ZFP36L1: variants seen among roughly 807,000 people sequenced by gnomAD.
ZFP36L1 encodes mRNA decay activator protein ZFP36L1.
Under a neutral mutation model 16.7 loss-of-function variants are expected in ZFP36L1, and 4 were observed. That is an observed-to-expected ratio of 0.24 (90% CI 0.12 to 0.55). The LOEUF is 0.55. Ranked by LOEUF, ZFP36L1 falls within the 20% of genes least tolerant of loss-of-function variation. ZFP36L1 has a pLI of 0.94. For missense variants in ZFP36L1, 311 were observed against 449.2 expected (o/e 0.69, Z 2.78); for synonymous variants, 220 against 190.8 (o/e 1.15, Z -1.26).
rs1269096358 is a variant in ZFP36L1, at chr14:68,788,056, T to G, written c.*1477A>C. On this transcript the variant is annotated 3_prime_UTR_variant, in exon 2 of 2. Coordinates refer to ENST00000439696, the MANE Select transcript of ZFP36L1 (RefSeq NM_004926.4). Reference sequence around the variant, plus strand: ...GGCCTAAAGAGAAAGAAACTCAATTTGCAGTCCAACACAAAGGGGGGAATT... The same window carrying G: ...GGCCTAAAGAGAAAGAAACTCAATTGGCAGTCCAACACAAAGGGGGGAATT... 6.6e-6 allele frequency: 1 copy of G among 152,586 alleles called. No homozygotes were observed. Among genetic ancestry groups the G allele is most frequent in the African/African-American group, 2.4e-5 (1 of 41,418 alleles). 9.5% of individuals were successfully genotyped at this position (152,586 alleles called of 1,614,324 possible).
At chr14:68,792,204 C>T (rs1216285917) in intron 1 of ZFP36L1, among the ~76,000 whole-genome samples, 1 of 151,260 alleles carries the variant, frequency 6.6e-6, no homozygotes, top group African/African-American at 2.4e-5. Context: ...ACCCCGCCCG[C>T]AATCGATGAG....
At chr14:68,792,302 A>G (rs2140211626) in intron 1 of ZFP36L1, among the ~76,000 whole-genome samples, 1 of 152,246 alleles carries the variant, frequency 6.6e-6, no homozygotes, top group East Asian at 1.9e-4. Flanking sequence ...TATCGCGGGA[A>G]GAAGCCCAAC....
intron 1 of ZFP36L1, 99 bp downstream of exon 1, chr14:68,792,783 A>T: frequency 6.7e-7 from 1 of 1,500,382 alleles, no homozygotes. Context: ...TCGCTGCACC[A>T]CTTTCCCCAT....
At chr14:68,793,951 C>T (rs1895182628), upstream of ZFP36L1, 1 of 983,808 alleles carries the variant, frequency 1.0e-6, no homozygotes, top group South Asian at 4.7e-5. Context: ...CAAAAAAAGA[C>T]CACAACCCGG....
chr14:68,792,346 T>C (rs1895104307), intron 1 of ZFP36L1, among the ~76,000 whole-genome samples: 1 of 152,160 alleles, frequency 6.6e-6, no homozygotes, highest in African/African-American at 2.4e-5. Context: ...CACTGCAAAC[T>C]TGTTCTGCAA....
upstream of ZFP36L1, chr14:68,793,598 A>G (rs903502651): frequency 2.0e-6 from 2 of 985,978 alleles, no homozygotes; most frequent in Middle Eastern, 5.2e-4. Flanking sequence ...CGCGGTTTCC[A>G]TCTTGAGCTG....
chr14:68,792,778 G>T, intron 1 of ZFP36L1, 104 bp downstream of exon 1: 1 of 1,473,606 alleles, frequency 6.8e-7, no homozygotes, highest in Non-Finnish European at 9.4e-7. Context: ...TCATCTCGCT[G>T]CACCACTTTC....
upstream of ZFP36L1, chr14:68,795,745 G>A (rs1375098547): frequency 3.8e-6 from 2 of 531,340 alleles, no homozygotes; most frequent in Non-Finnish European, 7.7e-6. Context: ...CCAGCTCCCA[G>A]AGCCTGTCTC....
chr14:68,795,783 G>A (rs1023144971), upstream of ZFP36L1: 1 of 534,632 alleles, frequency 1.9e-6, no homozygotes, highest in Admixed American at 1.9e-5. Flanking sequence ...TTAAATTGTC[G>A]GGTTGAAACG....
rs1895033215 is a variant in ZFP36L1 at position 68,790,281 on chromosome 14, G to C, written c.269C>G (p.Ser90Cys). 6.2e-7 allele frequency: 1 copy of C among 1,610,366 alleles called. No individual in the cohort carries two copies. The highest frequency in any genetic ancestry group is 8.5e-7 in the Non-Finnish European group (1 of 1,179,760). The change falls in exon 2 of 2, where the codon TCC becomes TGC. Residue 90 changes from serine (S) to cysteine (C), a missense_variant. By Grantham distance (112) the Ser-to-Cys change is moderately radical. Coordinates refer to ENST00000439696, the MANE Select transcript of ZFP36L1 (RefSeq NM_004926.4). Reference sequence around the variant, plus strand: ...CAGCCGCTCGCCCCCTTCCGAGAAGGAGCGGTCTCGGAAGCGGCTGTCTCG... The same window carrying C: ...CAGCCGCTCGCCCCCTTCCGAGAAGCAGCGGTCTCGGAAGCGGCTGTCTCG... Reference protein sequence around the residue: ...SSRDSRFRDRSFSEGGERLLP... With the variant: ...SSRDSRFRDRCFSEGGERLLP...
At position 68,790,449 on chromosome 14, in the gene ZFP36L1, C is replaced by T. The variant is rs1311348620; in HGVS notation, c.101G>A (p.Cys34Tyr). Residue 34 changes from cysteine (C) to tyrosine (Y), a missense_variant, in exon 2 of 2, where the codon TGC (cysteine) becomes TAC (tyrosine). Physicochemically the swap from Cys to Tyr is radical, Grantham distance 194. This residue lies in a region of ZFP36L1 where 137 missense variants were observed against 142.6 expected (regional missense o/e 0.96). Transcript: ENST00000439696. ...LNYSAPSAGG[C>Y]LLDRKAVGTP... is the part of the protein sequence containing the mutation. ...GCCCACTGCCTTTCTGTCCAGCAGG[C>T]AACCCCCTGCACTGGGAGCACTATA... 7 of 1,613,988 alleles carry T rather than the reference C, an allele frequency of 4.3e-6. No homozygotes were observed. The highest frequency in any genetic ancestry group is 5.9e-6 in the Non-Finnish European group (7 of 1,179,994).
chr14:68,790,670 T>G (rs1230562783), intron 1 of ZFP36L1, among the ~76,000 whole-genome samples, 178 bp from the exon 2 acceptor site: 1 of 152,128 alleles, frequency 6.6e-6, no homozygotes, highest in Non-Finnish European at 1.5e-5. Flanking sequence ...TGGGTTTATT[T>G]TGGCCCCATG....
intron 1 of ZFP36L1, chr14:68,791,189 T>C (rs1895059434): frequency 1.6e-6 from 1 of 631,230 alleles, no homozygotes; most frequent in East Asian, 2.8e-5. Context: ...TCTCACCATT[T>C]CCACTCAGCC....
chr14:68,795,154 G>A (rs1395027108), upstream of ZFP36L1, among the ~76,000 whole-genome samples: 1 of 152,184 alleles, frequency 6.6e-6, no homozygotes, highest in African/African-American at 2.4e-5. Flanking sequence ...GGGGCGGTGG[G>A]GGAGAGATTT....
chr14:68,794,044 T>C (rs1471155604), upstream of ZFP36L1: 1 of 629,884 alleles, frequency 1.6e-6, no homozygotes, highest in African/African-American at 2.0e-5. Context: ...AAGAAAACCC[T>C]AATCCTTCCT....
intron 1 of ZFP36L1, among the ~76,000 whole-genome samples, chr14:68,792,570 A>C: frequency 6.6e-6 from 1 of 152,242 alleles, no homozygotes; most frequent in African/African-American, 2.4e-5. Context: ...TACGTAAAAC[A>C]GGATCGCCCA....
chr14:68,792,880 A>C lies in ZFP36L1; in HGVS notation c.57+2T>G, dbSNP rs1336102073. ...AAAAGCAAATGCTCCGCCCCCCTTT[A>C]CCTTGCATAAAACTTCGCTCAAGTC... On this transcript the variant is annotated splice_donor_variant, in intron 1 of 1. Coordinates refer to ENST00000439696, the MANE Select transcript of ZFP36L1 (RefSeq NM_004926.4). LOFTEE classifies it high-confidence loss of function. 2.5e-6 allele frequency: 4 copies of C among 1,614,072 alleles called. No individual in the cohort carries two copies. Among genetic ancestry groups the C allele is most frequent in the Admixed American group, 3.3e-5 (2 of 60,014 alleles).
rs1895016764 is a variant in ZFP36L1 at position 68,789,767 on chromosome 14, G to A, written c.783C>T (p.Leu261=). 2 of 1,613,958 alleles carry A rather than the reference G, an allele frequency of 1.2e-6. No individual in the cohort carries two copies. The highest frequency in any genetic ancestry group is 2.2e-5 in the East Asian group (1 of 44,856). ...CGGGCAGCCCCATGCTAGGGGCAAA[G>A]AGGCTTGCCAGCTCCTGGCTGGAGA... ...FAFSSQELAS[L]FAPSMGLPGG... The change falls in exon 2 of 2, where the codon CTC becomes CTT. Residue 261 remains leucine (L), a synonymous_variant. Transcript: ENST00000439696. This position sits in a 1 kb window ranked among gnomAD's most constrained non-coding sequence, Gnocchi z 4.5.
In ZFP36L1 at chr14:68,790,170, C is replaced by G; in HGVS notation, c.380G>C (p.Gly127Ala). The G allele has an allele frequency of 6.2e-7, 1 of 1,612,218 alleles. No individual in the cohort carries two copies. ...GCACTTGTCCCCGTACTTACAGGCA[C>G]CGTTTTCCTCAAAGGGGCGGCACAG... The part of the protein sequence containing the change: ...TELCRPFEEN[G>A]ACKYGDKCQF... The change falls in exon 2 of 2, where the codon GGT becomes GCT. Residue 127 changes from glycine to alanine, a missense_variant. Around this residue, in one of 4 missense-constraint regions of ZFP36L1, gnomAD observed 24 missense variants for 88.8 expected, o/e 0.27. Transcript: ENST00000439696.
Sources: allele counts gnomAD v4.1 joint callset (sites outside exome capture counted in the v4.1 genomes callset), GRCh38; gene constraint gnomAD v4.1.1; regional missense constraint gnomAD v4.1.1; non-coding constraint Gnocchi (gnomAD v3.1); transcripts MANE v1.5; gene names NCBI Gene and HGNC (gene_info 2026-07-23, HGNC 2026-07-21).